Variants in RSPH14 observed in about 807,000 individuals in gnomAD.
RSPH14 encodes the protein radial spoke head 14 homolog.
Under a neutral mutation model 26.7 loss-of-function variants are expected in RSPH14, and 20 were observed. The ratio of observed to expected loss-of-function variants is 0.75; its 90% confidence interval spans 0.53 to 1.09. RSPH14 has a LOEUF of 1.09. Among genes scored for constraint, RSPH14 ranks in the 50% least tolerant of loss-of-function variants. The pLI, the probability that RSPH14 is intolerant of heterozygous loss-of-function variation, is 0.00. For synonymous variants in RSPH14, 177 were observed against 189.3 expected, an observed-to-expected ratio of 0.93 and a Z score of 0.53; for missense variants, 449 against 457.2, an observed-to-expected ratio of 0.98 and a Z score of 0.16.
the RSPH14 span, chr22:23,163,016 A>G: frequency 1.0e-5 from 3 of 294,710 alleles, no homozygotes; most frequent in African/African-American, 6.8e-5. Flanking sequence ...GGTTGAAGCG[A>G]TTCTCCTGCC....
At chr22:23,087,340 C>T (rs2068847212) in intron 4 of RSPH14, among the ~76,000 whole-genome samples, 1 of 152,128 alleles carries the variant, frequency 6.6e-6, no homozygotes, top group Non-Finnish European at 1.5e-5. Context: ...GTGGCGCGTG[C>T]CTGCAGTCCC....
the RSPH14 span, among the ~76,000 whole-genome samples, chr22:23,155,019 G>C: frequency 7.2e-5 from 11 of 152,262 alleles, no homozygotes; most frequent in South Asian, 2.3e-3. Context: ...AAGCTACTTG[G>C]GAGGCTGAGG....
intron 4 of RSPH14, among the ~76,000 whole-genome samples, chr22:23,121,513 C>T (rs2070023396): frequency 6.6e-6 from 1 of 152,178 alleles, no homozygotes; most frequent in Non-Finnish European, 1.5e-5. Flanking sequence ...TATCCTGCCT[C>T]TCTGTGCCTC....
chr22:23,116,054 C>T (rs2069824371), intron 4 of RSPH14, among the ~76,000 whole-genome samples: 1 of 152,278 alleles, frequency 6.6e-6, no homozygotes, highest in African/African-American at 2.4e-5. Context: ...AACAACAAAA[C>T]AGTCAAACAG....
chr22:23,064,175 AC>A, intron 4 of RSPH14, 42 bp from the exon 5 acceptor site: 1 of 1,564,182 alleles, frequency 6.4e-7, no homozygotes. Flanking sequence ...CTGGCCACAC[AC>A]CCACCCACCC....
At chr22:23,152,491 C>T in the RSPH14 span, 137 of 1,614,154 alleles carry the variant, frequency 8.5e-5, no homozygotes, top group African/African-American at 1.5e-3. Flanking sequence ...TGGTGGTTGG[C>T]GATCTCTACG....
intron 4 of RSPH14, among the ~76,000 whole-genome samples, chr22:23,086,996 T>C (rs534614455): frequency 3.3e-4 from 50 of 152,324 alleles, no homozygotes; most frequent in Admixed American, 1.6e-3. Context: ...GCGGCTCCGA[T>C]AAGTCGGGCG....
At chr22:23,084,022 T>C (rs998712669) in intron 4 of RSPH14, among the ~76,000 whole-genome samples, 1 of 152,090 alleles carries the variant, frequency 6.6e-6, no homozygotes, top group Admixed American at 6.6e-5. Context: ...ACCTTGCTTC[T>C]TGTGGAGTTA....
At chr22:23,103,332 C>T (rs918745894) in intron 4 of RSPH14, among the ~76,000 whole-genome samples, 42 of 152,326 alleles carry the variant, frequency 2.8e-4, no homozygotes, top group African/African-American at 9.9e-4. Flanking sequence ...ACCAGTGCAC[C>T]ACAGCCAGTG....
chr22:23,081,963 A>G (rs1234752628), intron 4 of RSPH14, among the ~76,000 whole-genome samples: 2 of 151,286 alleles, frequency 1.3e-5, no homozygotes, highest in Non-Finnish European at 2.9e-5. Context: ...ATCTCTACTA[A>G]AAATACAAAA....
chr22:23,062,054 C>T, intron 5 of RSPH14, 109 bp from the exon 6 acceptor site: 1 of 1,259,158 alleles, frequency 7.9e-7, no homozygotes, highest in Non-Finnish European at 1.1e-6. Flanking sequence ...GGGGGCTACC[C>T]CAGGTAGTCC....
Position 23,135,372 on chromosome 22 carries a change from G to T in RSPH14, c.303-1228C>A, listed in dbSNP as rs565652165. 1.9e-3 allele frequency among the ~76,000 whole-genome samples: 290 copies of T among 149,094 alleles called. 1 individual carries two copies. The highest frequency in any genetic ancestry group is 6.9e-3 in the Middle Eastern group (2 of 288). On this transcript the variant is annotated intron_variant, in intron 3 of 6. Coordinates refer to ENST00000216036, the MANE Select transcript of RSPH14 (RefSeq NM_014433.3). ...CTGGGTGTGGTGGCGGGCGCCTGTA[G>T]TCCCAGCTACTTTGGAGGCTGAGGC... is the stretch of plus-strand genomic sequence containing the variant.
chr22:23,068,066 C>T (rs528738008), intron 4 of RSPH14, among the ~76,000 whole-genome samples: 2 of 152,340 alleles, frequency 1.3e-5, no homozygotes, highest in African/African-American at 2.4e-5. Flanking sequence ...CTTAGGCCAA[C>T]GTCCCTGATC....
At chr22:23,110,993 C>G (rs1276876507) in intron 4 of RSPH14, among the ~76,000 whole-genome samples, 1 of 152,204 alleles carries the variant, frequency 6.6e-6, no homozygotes, top group Non-Finnish European at 1.5e-5. Context: ...GTGAACCAAG[C>G]ACAGGGGTGC....
At chr22:23,133,918 A>G (rs756616507) in intron 4 of RSPH14, 108 bp downstream of exon 4, 1 of 718,980 alleles carries the variant, frequency 1.4e-6, no homozygotes, top group Non-Finnish European at 2.4e-6. Flanking sequence ...GTATGTTGTA[A>G]TTTAATAAAA....
intron 3 of RSPH14, among the ~76,000 whole-genome samples, chr22:23,134,635 C>A (rs899599282): frequency 1.3e-5 from 2 of 149,524 alleles, no homozygotes; most frequent in South Asian, 4.2e-4. Context: ...GAGACCTAGG[C>A]GGATAGATGA....
intron 5 of RSPH14, among the ~76,000 whole-genome samples, chr22:23,062,909 A>C (rs1427893303): frequency 1.3e-5 from 2 of 152,246 alleles, no homozygotes; most frequent in Non-Finnish European, 2.9e-5. Flanking sequence ...ATAATTCTCA[A>C]CTGGGAGCCA....
intron 4 of RSPH14, among the ~76,000 whole-genome samples, chr22:23,065,773 G>A (rs1409723316): frequency 2.0e-5 from 3 of 152,142 alleles, no homozygotes; most frequent in Non-Finnish European, 4.4e-5. Flanking sequence ...GGTGGCAAGA[G>A]TCTCCTGAAT....
At chr22:23,140,118 G>A in intron 2 of RSPH14, 104 bp downstream of exon 2, 1 of 1,440,604 alleles carries the variant, frequency 6.9e-7, no homozygotes, top group Non-Finnish European at 9.5e-7. Flanking sequence ...AACTGGCCTG[G>A]AGTCAGGCTC....
Sources: allele counts gnomAD v4.1 joint callset (sites outside exome capture counted in the v4.1 genomes callset), GRCh38; gene constraint gnomAD v4.1.1; transcripts MANE v1.5; gene names NCBI Gene and HGNC (gene_info 2026-07-23, HGNC 2026-07-21).